Variants in CNTNAP2 observed in about 807,000 individuals in gnomAD.
CNTNAP2 encodes the protein contactin-associated protein-like 2.
In CNTNAP2, 98 loss-of-function variants were observed where a neutral mutation model predicts 155.2. That is an observed-to-expected ratio of 0.63 (90% CI 0.54 to 0.75). The LOEUF (loss-of-function observed/expected upper bound fraction) is 0.75. Ranked by LOEUF, CNTNAP2 falls within the 30% of genes least tolerant of loss-of-function variation. CNTNAP2 has a pLI of 0.00. For missense variants in CNTNAP2, 1,727 were observed against 1,688.1 expected, an observed-to-expected ratio of 1.02 and a Z score of -0.40; for synonymous variants, 651 against 631.2, an observed-to-expected ratio of 1.03 and a Z score of -0.47.
At chr7:147,373,029 T>C in intron 9 of CNTNAP2, among the ~76,000 whole-genome samples, 1 of 152,130 alleles carries the variant, frequency 6.6e-6, no homozygotes, top group South Asian at 2.1e-4. Flanking sequence ...AAAATCTAAC[T>C]GATCGTACCG....
At chr7:146,591,943 G>A (rs1798789507) in intron 1 of CNTNAP2, among the ~76,000 whole-genome samples, 2 of 152,092 alleles carry the variant, frequency 1.3e-5, no homozygotes, top group South Asian at 4.1e-4. Context: ...TTCTCCTCCA[G>A]TATTCTCTGT....
chr7:146,547,865 C>A (rs143927788), intron 1 of CNTNAP2, among the ~76,000 whole-genome samples: 29 of 149,284 alleles, frequency 1.9e-4, no homozygotes, highest in African/African-American at 4.5e-4. Flanking sequence ...TTTAAAGGAA[C>A]CTTAATACGG....
chr7:146,712,278 ATATATGTATACATATCTTATGTATAC>A (rs1801102436), intron 1 of CNTNAP2, among the ~76,000 whole-genome samples: 1 of 14,080 alleles, frequency 7.1e-5, no homozygotes, highest in African/African-American at 9.8e-5. Flanking sequence ...TTATGTATAC[ATATATGTATACATATCTTATGTATAC>A]TATATAGTAT....
chr7:146,141,995 G>A (rs533989932), intron 1 of CNTNAP2, among the ~76,000 whole-genome samples: 3 of 152,278 alleles, frequency 2.0e-5, no homozygotes, highest in African/African-American at 7.2e-5. Context: ...ACTGACAGCT[G>A]CTATGACTTC....
chr7:146,955,738 A>C (rs1382054389), intron 3 of CNTNAP2, among the ~76,000 whole-genome samples: 1 of 152,092 alleles, frequency 6.6e-6, no homozygotes, highest in Admixed American at 6.6e-5. Flanking sequence ...TATGAAAATT[A>C]CAATGATTGT....
chr7:147,159,362 A>G (rs990531751), intron 8 of CNTNAP2, among the ~76,000 whole-genome samples: 1 of 152,092 alleles, frequency 6.6e-6, no homozygotes, highest in African/African-American at 2.4e-5. Flanking sequence ...AAAAGATAAT[A>G]TGCATTATTA....
intron 10 of CNTNAP2, among the ~76,000 whole-genome samples, chr7:147,411,113 TAGA>T (rs1797095269): frequency 6.6e-6 from 1 of 152,222 alleles, no homozygotes; most frequent in Non-Finnish European, 1.5e-5. Context: ...TTTCATTAGT[TAGA>T]AGTTTTCTTA....
intron 1 of CNTNAP2, among the ~76,000 whole-genome samples, chr7:146,336,635 T>C (rs560255184): frequency 1.3e-5 from 2 of 152,234 alleles, no homozygotes; most frequent in Admixed American, 1.3e-4. Flanking sequence ...CTGTACATGA[T>C]TGTTCACAGC....
intron 1 of CNTNAP2, among the ~76,000 whole-genome samples, chr7:146,121,651 C>T (rs1275235676): frequency 1.3e-5 from 2 of 151,998 alleles, no homozygotes; most frequent in Non-Finnish European, 2.9e-5. Context: ...AATTTTAAGC[C>T]TCAAAACCAG....
At chr7:147,582,677 A>C (rs2051874) in intron 12 of CNTNAP2, among the ~76,000 whole-genome samples, 1 of 151,460 alleles carries the variant, frequency 6.6e-6, no homozygotes, top group South Asian at 2.1e-4. Flanking sequence ...CAAAATAGTG[A>C]ATATATTTAT....
intron 10 of CNTNAP2, among the ~76,000 whole-genome samples, chr7:147,470,510 A>G (rs574310944): frequency 2.6e-5 from 4 of 152,114 alleles, no homozygotes; most frequent in Non-Finnish European, 5.9e-5. Context: ...TAATAGCAGT[A>G]GAGATGGTAG....
At chr7:147,791,216 C>T (rs1464005301) in intron 13 of CNTNAP2, among the ~76,000 whole-genome samples, 2 of 152,154 alleles carry the variant, frequency 1.3e-5, no homozygotes, top group East Asian at 3.9e-4. Context: ...CCAGTTTCTC[C>T]TCTTGCTGAT....
At chr7:146,405,497 A>G (rs1013601745) in intron 1 of CNTNAP2, among the ~76,000 whole-genome samples, 1 of 152,210 alleles carries the variant, frequency 6.6e-6, no homozygotes, top group African/African-American at 2.4e-5. Context: ...TCTGAAAATA[A>G]ATTTTTCTGA....
At chr7:148,329,844 G>A (rs1797954763) in intron 21 of CNTNAP2, among the ~76,000 whole-genome samples, 1 of 151,716 alleles carries the variant, frequency 6.6e-6, no homozygotes, top group South Asian at 2.1e-4. Context: ...CTTCACCCTC[G>A]AAGCTTTCCC....
chr7:146,538,984 T>C (rs1456924033), intron 1 of CNTNAP2, among the ~76,000 whole-genome samples: 2 of 152,004 alleles, frequency 1.3e-5, no homozygotes, highest in Non-Finnish European at 2.9e-5. Context: ...TAACAGGGGG[T>C]AATGAAAATA....
At chr7:148,280,194 G>T (rs1425649828) in intron 21 of CNTNAP2, among the ~76,000 whole-genome samples, 2 of 152,214 alleles carry the variant, frequency 1.3e-5, no homozygotes, top group Non-Finnish European at 2.9e-5. Flanking sequence ...TGTAGTCCCA[G>T]CTACTCGGGA....
At chr7:147,148,128 C>T (rs1428661663) in intron 8 of CNTNAP2, among the ~76,000 whole-genome samples, 11 of 152,076 alleles carry the variant, frequency 7.2e-5, no homozygotes, top group African/African-American at 1.7e-4. Flanking sequence ...CGGTGGCTCA[C>T]GCCTGTAATC....
chr7:147,354,540 CT>C (rs983652976), intron 9 of CNTNAP2, among the ~76,000 whole-genome samples: 14 of 152,008 alleles, frequency 9.2e-5, no homozygotes, highest in African/African-American at 3.4e-4. Flanking sequence ...TTACTGTAGC[CT>C]TGTAGTGTAG....
intron 1 of CNTNAP2, among the ~76,000 whole-genome samples, chr7:146,765,263 A>G (rs1461865810): frequency 1.3e-5 from 2 of 152,176 alleles, no homozygotes; most frequent in Non-Finnish European, 2.9e-5. Context: ...AGGGGTTCCA[A>G]ATTACAAGTC....
Sources: gnomAD v4.1 joint callset for allele counts (sites outside exome capture counted in the v4.1 genomes callset) on GRCh38, gnomAD v4.1.1 for gene constraint, MANE v1.5 for transcripts, NCBI Gene and HGNC (gene_info 2026-07-23, HGNC 2026-07-21) for gene names.